Variants in ERMP1 observed in about 807,000 individuals in gnomAD.
ERMP1 encodes the protein Felix-ina.
A neutral mutation model predicts 92.0 loss-of-function variants in ERMP1; 86 were observed. The observed-to-expected ratio is 0.93, with a 90% CI of 0.79 to 1.12. ERMP1 has a LOEUF of 1.12. Among genes scored for constraint, ERMP1 ranks in the 50% most tolerant of loss-of-function variants. The pLI, the probability that ERMP1 is intolerant of heterozygous loss-of-function variation, is 0.00. For missense variants in ERMP1, 1,342 were observed against 1,116.3 expected (o/e 1.20, Z -2.88); for synonymous variants, 530 against 412.8 (o/e 1.28, Z -3.44).
chr9:5,824,948 C>T lies in ERMP1; in HGVS notation c.768+144G>A, dbSNP rs1051304530. On this transcript the variant is annotated intron_variant, in intron 3 of 14. Transcript: ENST00000339450. ...TGGTTGTGAATTTGTTAAAGTACTG[C>T]TCATAAAGTATTTTTCTGCATATTA... 1.6e-4 allele frequency: 115 copies of T among 728,436 alleles called. 1 individual carries two copies. Among genetic ancestry groups the T allele is most frequent in the Non-Finnish European group, 2.3e-4 (103 of 451,096 alleles). The allele number at this position is 728,436 out of a possible 1,614,324, so 45.1% of individuals were successfully genotyped here.
intron 4 of ERMP1, among the ~76,000 whole-genome samples, chr9:5,819,140 T>C (rs1195816644): frequency 6.6e-6 from 1 of 152,058 alleles, no homozygotes; most frequent in African/African-American, 2.4e-5. Flanking sequence ...AGCATTATCA[T>C]AAAAGTCTAA....
intron 5 of ERMP1, 187 bp downstream of exon 5, chr9:5,812,702 A>C (rs1244141508): frequency 4.6e-6 from 3 of 657,062 alleles, no homozygotes; most frequent in East Asian, 2.8e-5. Context: ...ATTTTAGAGG[A>C]GGCCAGCATT....
intron 13 of ERMP1, among the ~76,000 whole-genome samples, chr9:5,788,699 T>C (rs1001293961): frequency 1.3e-5 from 2 of 151,802 alleles, no homozygotes; most frequent in African/African-American, 4.8e-5. Context: ...AAATTCCTCT[T>C]GGAAAAAAAA....
chr9:5,805,480 G>A (rs940902889), intron 9 of ERMP1, 131 bp downstream of exon 9: 61 of 729,690 alleles, frequency 8.4e-5, no homozygotes, highest in Non-Finnish European at 1.2e-4. Flanking sequence ...GATAATTTGT[G>A]TGGTATGAAA....
At position 5,786,019 on chromosome 9, in the gene ERMP1, A is replaced by C. The variant is rs1397669915; in HGVS notation, c.*1125T>G. 1 of 152,264 alleles carries C rather than the reference A, an allele frequency of 6.6e-6. No individual in the cohort carries two copies. The highest frequency in any genetic ancestry group is 1.5e-5 in the Non-Finnish European group (1 of 68,078). The allele number at this position is 152,264 out of a possible 1,614,324, so 9.4% of individuals were successfully genotyped here. On this transcript the variant is annotated 3_prime_UTR_variant, in exon 15 of 15. Coordinates refer to ENST00000339450, the MANE Select transcript of ERMP1 (RefSeq NM_024896.3). ...TTAAGTCCTCATGCTGCCATTACGC[A>C]GGATCTGAACCACCTACACGTACAG...
chr9:5,787,648 T>G, intron 13 of ERMP1, 55 bp from the exon 14 acceptor site: 1 of 1,540,584 alleles, frequency 6.5e-7, no homozygotes, highest in Admixed American at 1.9e-5. Flanking sequence ...ATCAAAAAAA[T>G]AACCCACAAT....
intron 13 of ERMP1, among the ~76,000 whole-genome samples, chr9:5,794,893 C>A (rs1563748142): frequency 6.6e-6 from 1 of 152,186 alleles, no homozygotes; most frequent in Non-Finnish European, 1.5e-5. Context: ...TACTTCTTAA[C>A]CCATCCTATG....
Position 5,805,235 on chromosome 9 carries a change from AAAAGC to A in ERMP1, c.1724-23_1724-19del, listed in dbSNP as rs1165778484. ...TTGGGCACCTAGGGAAAAAGAGAAAAAAAGCACACATCTATGAAATCCTCCAGTGA... is the reference window on the plus strand; with the variant it reads ...TTGGGCACCTAGGGAAAAAGAGAAAAACACATCTATGAAATCCTCCAGTGA... On this transcript the variant is annotated intron_variant, in intron 9 of 14. Coordinates refer to ENST00000339450, the MANE Select transcript of ERMP1 (RefSeq NM_024896.3). The A allele has an allele frequency of 3.2e-6, 5 of 1,576,000 alleles. No individual in the cohort carries two copies. The highest frequency in any genetic ancestry group is 4.3e-6 in the Non-Finnish European group (5 of 1,154,562).
At position 5,811,286 on chromosome 9, in the gene ERMP1, T is replaced by C. The variant is rs748011342; in HGVS notation, c.1152A>G (p.Thr384=). The C allele has an allele frequency of 3.1e-6, 5 of 1,613,492 alleles. No homozygotes were observed. Among genetic ancestry groups the C allele is most frequent in the Admixed American group, 3.3e-5 (2 of 59,948 alleles). The change falls in exon 7 of 15, where the codon ACA becomes ACG. Residue 384 remains threonine, a synonymous_variant. Transcript: ENST00000339450. ...TAGAAGCAGCAGCCAGCATATCAGA[T>C]GTAGCTAGATGCTTAAGAACTGCTA... The part of the protein sequence containing the change: ...NILAVLKHLA[T]SDMLAAASKY...
intron 6 of ERMP1, among the ~76,000 whole-genome samples, chr9:5,851,051 T>C (rs1830302490): frequency 6.6e-6 from 1 of 152,212 alleles, no homozygotes; most frequent in Non-Finnish European, 1.5e-5. Context: ...CTGTGTTCCC[T>C]CTTTTAGACC....
intron 6 of ERMP1, among the ~76,000 whole-genome samples, chr9:5,859,424 C>T (rs1437601140): frequency 6.6e-6 from 1 of 152,138 alleles, no homozygotes; most frequent in Admixed American, 6.5e-5. Context: ...TAAACACAGG[C>T]TCTGAGGAAT....
chr9:5,865,731 G>T (rs967418302), intron 5 of ERMP1, among the ~76,000 whole-genome samples: 4 of 149,614 alleles, frequency 2.7e-5, no homozygotes, highest in South Asian at 4.2e-4. Flanking sequence ...CCAGCTACTC[G>T]GGAGGCTGAG....
rs370385485 is a variant in ERMP1, at chr9:5,800,454, T to A, written c.2067+722A>T. 4.6e-5 allele frequency among the ~76,000 whole-genome samples: 7 copies of A among 152,208 alleles called. No individual in the cohort carries two copies. In the South Asian group the frequency reaches 1.5e-3, roughly 32 times the overall value. ...ACTTTGGGAGGCCGAGGTGGGTGGATCACCTGAGGTCAGGAATTCAAGAAC... is the reference window on the plus strand; with the variant it reads ...ACTTTGGGAGGCCGAGGTGGGTGGAACACCTGAGGTCAGGAATTCAAGAAC... On this transcript the variant is annotated intron_variant, in intron 11 of 14. Transcript: ENST00000339450.
chr9:5,862,691 C>T (rs920544769), intron 5 of ERMP1, among the ~76,000 whole-genome samples: 5 of 152,084 alleles, frequency 3.3e-5, no homozygotes, highest in African/African-American at 1.2e-4. Context: ...GGTGCCTAAA[C>T]CAAAACCCTT....
intron 7 of ERMP1, 80 bp from the exon 8 acceptor site, chr9:5,810,311 C>A: frequency 9.7e-7 from 1 of 1,036,222 alleles, no homozygotes; most frequent in Non-Finnish European, 1.4e-6. Flanking sequence ...GCTAAATGGG[C>A]AAACATTAAA....
chr9:5,849,182 C>T (rs565372745), intron 6 of ERMP1, among the ~76,000 whole-genome samples: 2 of 152,258 alleles, frequency 1.3e-5, no homozygotes, highest in African/African-American at 4.8e-5. Flanking sequence ...GCCACCACAC[C>T]CAGCTAATTT....
At chr9:5,807,111 C>T (rs1410576989) in intron 8 of ERMP1, among the ~76,000 whole-genome samples, 1 of 152,174 alleles carries the variant, frequency 6.6e-6, no homozygotes, top group Non-Finnish European at 1.5e-5. Context: ...CCAAACTGCA[C>T]CAAAGATAAA....
chr9:5,852,062 C>T (rs970431140), intron 6 of ERMP1, among the ~76,000 whole-genome samples: 1 of 152,078 alleles, frequency 6.6e-6, no homozygotes, highest in Non-Finnish European at 1.5e-5. Context: ...TTACTTTTAT[C>T]TAAGCAACAT....
intron 6 of ERMP1, among the ~76,000 whole-genome samples, chr9:5,851,166 T>C (rs963136388): frequency 6.6e-6 from 1 of 152,220 alleles, no homozygotes; most frequent in Non-Finnish European, 1.5e-5. Flanking sequence ...GTGAACATAG[T>C]GCATCTTGTA....
Sources: gnomAD v4.1 joint callset for allele counts (sites outside exome capture counted in the v4.1 genomes callset) on GRCh38, gnomAD v4.1.1 for gene constraint, MANE v1.5 for transcripts, NCBI Gene and HGNC (gene_info 2026-07-23, HGNC 2026-07-21) for gene names.